The following F8 variants were observed in gnomAD, a reference collection of about 807,000 sequenced individuals.
F8 encodes antihemophilic factor.
In F8, 12 loss-of-function variants were observed where a neutral mutation model predicts 140.6. The ratio of observed to expected loss-of-function variants is 0.09; its 90% CI spans 0.05 to 0.14. The LOEUF (loss-of-function observed/expected upper bound fraction) is 0.14, where lower values mean the gene tolerates loss of function less well. Among genes scored for constraint, F8 ranks in the 10% least tolerant of loss-of-function variants. The pLI is 1.00. For synonymous variants in F8, 585 were observed against 614.6 expected, an observed-to-expected ratio of 0.95 and a Z score of 0.71; for missense variants, 1,354 against 1,720.7, an observed-to-expected ratio of 0.79 and a Z score of 3.77.
At chrX:154,901,013 G>A (rs2073007040) in intron 20 of F8, among the ~76,000 whole-genome samples, 1 of 112,776 alleles carries the variant, frequency 8.9e-6, no homozygotes, top group Admixed American at 9.4e-5. Flanking sequence ...CCTGTGGGCA[G>A]TAGTGCTCTA....
At chrX:154,875,122 G>T (rs1220252471) in intron 22 of F8, among the ~76,000 whole-genome samples, 2 of 111,901 alleles carry the variant, frequency 1.8e-5, no homozygotes, top group Non-Finnish European at 3.8e-5. Context: ...GCCAGACACT[G>T]AAAGAAAAAT....
intron 14 of F8, among the ~76,000 whole-genome samples, chrX:154,911,740 C>T (rs1557276783): frequency 8.9e-6 from 1 of 112,040 alleles, no homozygotes; most frequent in African/African-American, 3.2e-5. Flanking sequence ...ATTGCTGGAT[C>T]ACATGGTCGT....
In F8 at chrX:154,899,846, C is replaced by T; in HGVS notation, c.6273+20G>A. ...TGATTGAATGTGATACATTTCCCAT[C>T]ATTGATTACATTTTCTAACCTTGAT... On this transcript the variant is annotated intron_variant, in intron 21 of 25. Coordinates refer to ENST00000360256, the MANE Select transcript of F8 (RefSeq NM_000132.4). The T allele has an allele frequency of 8.5e-7, 1 of 1,173,944 alleles. No individual in the cohort carries two copies. Among genetic ancestry groups the T allele is most frequent in the East Asian group, 3.0e-5 (1 of 33,661 alleles).
intron 22 of F8, among the ~76,000 whole-genome samples, chrX:154,875,758 TGTGTGTGTGTGTGTGTAGAG>T (rs1291416972): frequency 1.8e-5 from 2 of 109,131 alleles, no homozygotes; most frequent in African/African-American, 6.7e-5. Flanking sequence ...TGTGTGTGTG[TGTGTGTGTGTGTGTGTAGAG>T]AGAGAGAGAG....
chrX:154,860,632 G>A, intron 24 of F8, 24 bp from the exon 25 acceptor site: 1 of 1,199,873 alleles, frequency 8.3e-7, no homozygotes, highest in Non-Finnish European at 1.1e-6. Context: ...AGTTGGACTA[G>A]TAGCCTCTTG....
At chrX:154,870,575 C>T (rs188736519) in intron 22 of F8, among the ~76,000 whole-genome samples, 35 of 111,695 alleles carry the variant, frequency 3.1e-4, no homozygotes, top group East Asian at 2.5e-3. Flanking sequence ...TTATGACAAA[C>T]GCACAGCCAA....
intron 9 of F8, chrX:154,965,723 T>G (rs1169032139): frequency 5.4e-6 from 2 of 367,989 alleles, no homozygotes; most frequent in Admixed American, 4.7e-5. Flanking sequence ...GAGAAAGATC[T>G]GGAAGGATAT....
intron 13 of F8, among the ~76,000 whole-genome samples, chrX:154,933,912 C>T (rs781891519): frequency 1.8e-4 from 20 of 111,847 alleles, no homozygotes; most frequent in African/African-American, 5.8e-4. Context: ...TAACACATAA[C>T]AAGAGATGAT....
At chrX:154,956,873 A>G (rs1275362244) in intron 11 of F8, 84 bp downstream of exon 11, 17 of 825,691 alleles carry the variant, frequency 2.1e-5, no homozygotes, top group African/African-American at 4.0e-5. Context: ...ACTGACCTAT[A>G]TTGCAAACCA....
chrX:154,946,184 T>C (rs1557280280), intron 13 of F8, among the ~76,000 whole-genome samples: 3 of 111,955 alleles, frequency 2.7e-5, no homozygotes. Flanking sequence ...GTAATACCTA[T>C]CCAAATGCCA....
intron 14 of F8, among the ~76,000 whole-genome samples, chrX:154,925,150 C>T (rs1404584903): frequency 1.8e-5 from 2 of 112,537 alleles, no homozygotes; most frequent in Non-Finnish European, 3.8e-5. Context: ...TATCAGGCTG[C>T]AAATTTTCCA....
chrX:154,938,154 C>CT lies in F8; in HGVS notation c.2114-6479dup, dbSNP rs782780763. ...ATACATATCCTTATTTGTTTTTTTGCTTTTTTTTTGTTTTGTGTGACAATT... is the reference window on the plus strand; with the variant it reads ...ATACATATCCTTATTTGTTTTTTTGCTTTTTTTTTTGTTTTGTGTGACAATT... On this transcript the variant is annotated intron_variant, in intron 13 of 25. Coordinates refer to ENST00000360256, the MANE Select transcript of F8 (RefSeq NM_000132.4). Among the ~76,000 whole-genome samples, 1,086 of 109,055 alleles carry CT rather than the reference C, an allele frequency of 1.0e-2. 15 individuals carry two copies. The highest frequency in any genetic ancestry group is 0.034 in the African/African-American group (1,037 of 30,067). 94.7% of individuals were successfully genotyped at this position (109,055 alleles called of 115,157 possible).
In F8 at chrX:155,016,512, C is replaced by T. The variant is rs781967335; in HGVS notation, c.143+5898G>A. ...ATAGCAGGTTTATTTGTATTTGCTCCTAACTGGAAATAATCCAAAATTATG... is the reference window on the plus strand; with the variant it reads ...ATAGCAGGTTTATTTGTATTTGCTCTTAACTGGAAATAATCCAAAATTATG... On this transcript the variant is annotated intron_variant, in intron 1 of 25. Coordinates refer to ENST00000360256, the MANE Select transcript of F8 (RefSeq NM_000132.4). Among the ~76,000 whole-genome samples the T allele has an allele frequency of 3.6e-5, 4 of 112,439 alleles. No homozygotes were observed. The East Asian group carries it at 1.1e-3, about 31-fold the overall frequency.
chrX:154,856,419 T>A (rs781809524), intron 25 of F8, among the ~76,000 whole-genome samples: 1 of 112,285 alleles, frequency 8.9e-6, no homozygotes, highest in African/African-American at 3.2e-5. Context: ...GCAAGGTAAG[T>A]GTGGTTACCA....
Position 154,845,799 on chromosome X carries a change from C to G in F8, c.6901-8047G>C, listed in dbSNP as rs185372404. On this transcript the variant is annotated intron_variant, in intron 25 of 25. Transcript: ENST00000360256. ...TTTTGTGTCTCTATCTCCTTCAGTT[C>G]TGCTCTGATCTTAGTTATTTCTTGC... 1.6e-4 allele frequency among the ~76,000 whole-genome samples: 18 copies of G among 111,573 alleles called. No homozygotes were observed. In the East Asian group the frequency reaches 4.8e-3, roughly 29 times the overall value.
intron 13 of F8, among the ~76,000 whole-genome samples, chrX:154,942,524 A>T (rs1331804339): frequency 2.0e-4 from 22 of 111,279 alleles, no homozygotes; most frequent in Non-Finnish European, 1.3e-4. Context: ...GGCAATAATC[A>T]ATAGCTTACC....
rs1486528422 is a variant in F8 at position 154,897,442 on chromosome X, T to A, written c.6274-1210A>T. On this transcript the variant is annotated intron_variant, in intron 21 of 25. Transcript: ENST00000360256. ...AACAAGAAAGAAAGCCCTGCCCTCA[T>A]GGAACTTACAGTTGAGTAGGAGAAA... is the stretch of plus-strand genomic sequence containing the variant. 23 of 112,700 alleles carry A rather than the reference T, an allele frequency of 2.0e-4. 1 individual carries two copies. The highest frequency in any genetic ancestry group is 2.0e-3 in the Admixed American group (21 of 10,653). 9.3% of individuals were successfully genotyped at this position (112,700 alleles called of 1,213,427 possible). A position where few individuals can be genotyped will look rare whatever the true frequency, so the allele number is the denominator to read the frequency against.
rs782369800 is a variant in F8, at chrX:154,929,983, A to C, written c.3807T>G (p.Asp1269Glu). Residue 1269 changes from aspartate (D) to glutamate (E), a missense_variant, in exon 14 of 26, where the codon GAT becomes GAG. Coordinates refer to ENST00000360256, the MANE Select transcript of F8 (RefSeq NM_000132.4). ...TTGTTGAATCATTTAATGACCTAAA[A>C]TCTTGAAGTACTGGAGCATATGCCC... Reference protein sequence around the residue: ...YDGAYAPVLQDFRSLNDSTNR... With the variant: ...YDGAYAPVLQEFRSLNDSTNR... The C allele has an allele frequency of 1.7e-6, 2 of 1,210,839 alleles. No individual in the cohort carries two copies. Among genetic ancestry groups the C allele is most frequent in the East Asian group, 5.9e-5 (2 of 33,819 alleles).
chrX:154,973,969 G>GTGTA (rs2073472310), intron 6 of F8, among the ~76,000 whole-genome samples: 1 of 109,581 alleles, frequency 9.1e-6, no homozygotes, highest in African/African-American at 3.3e-5. Flanking sequence ...GCTAGCATGT[G>GTGTA]TGTGTGTGTG....
Sources: allele counts gnomAD v4.1 joint callset (sites outside exome capture counted in the v4.1 genomes callset), GRCh38; gene constraint gnomAD v4.1.1; transcripts MANE v1.5; gene names NCBI Gene and HGNC (gene_info 2026-07-23, HGNC 2026-07-21).